The following COPG2 variants were observed in gnomAD, a reference collection of about 807,000 sequenced individuals.
COPG2 encodes the protein coat protein complex I subunit gamma 2, also known as coatomer subunit gamma-2.
A neutral mutation model predicts 46.3 loss-of-function variants in COPG2; 37 were observed. The ratio of observed to expected loss-of-function variants is 0.80; its 90% CI spans 0.61 to 1.05. The LOEUF is 1.05. COPG2 is among the 50% of genes least tolerant of loss of function. The probability of loss-of-function intolerance (pLI) is 0.00; values close to 1 mark genes in which losing one functional copy is unlikely to be tolerated. For missense variants in COPG2, 427 were observed against 387.8 expected, an observed-to-expected ratio of 1.10 and a Z score of -0.85; for synonymous variants, 159 against 129.7, an observed-to-expected ratio of 1.23 and a Z score of -1.53.
intron 5 of COPG2, among the ~76,000 whole-genome samples, chr7:130,649,945 T>C (rs1795703941): frequency 6.6e-6 from 1 of 152,182 alleles, no homozygotes; most frequent in South Asian, 2.1e-4. Context: ...ATCTTACAGT[T>C]ATAAAAGTTA....
chr7:130,513,313 ATATATATAT>A (rs1799634534), intron 20 of COPG2, among the ~76,000 whole-genome samples: 6 of 36,478 alleles, frequency 1.6e-4, no homozygotes, highest in Non-Finnish European at 3.2e-4. Context: ...AAAAAAATAT[ATATATATAT>A]ATATATATAT....
At chr7:130,607,232 G>A (rs185588707) in intron 9 of COPG2, among the ~76,000 whole-genome samples, 4 of 147,010 alleles carry the variant, frequency 2.7e-5, no homozygotes, top group Non-Finnish European at 6.0e-5. Context: ...CAGAGTGAGA[G>A]AGACTGTCAT....
At chr7:130,600,706 T>C (rs549297857) in intron 9 of COPG2, among the ~76,000 whole-genome samples, 1 of 152,204 alleles carries the variant, frequency 6.6e-6, no homozygotes, top group Non-Finnish European at 1.5e-5. Flanking sequence ...GTCATTTTGT[T>C]TGTGTCTTTT....
intron 5 of COPG2, chr7:130,645,295 A>G (rs1554457984): frequency 1.6e-6 from 1 of 613,562 alleles, no homozygotes; most frequent in African/African-American, 1.8e-5. Flanking sequence ...ATACTCCTTC[A>G]CGACGCAATG....
In COPG2 at chr7:130,527,153, G is replaced by T. The variant is rs1031318411; in HGVS notation, c.2150-18494C>A. Among the ~76,000 whole-genome samples the T allele has an allele frequency of 1.4e-3, 206 of 151,798 alleles. 1 individual carries two copies. The highest frequency in any genetic ancestry group is 1.8e-3 in the Non-Finnish European group (122 of 67,956). ...AGGAAGCCCCTGGAAGGACCTGATG[G>T]GTGTCCATAACACCTGACAGTCATA... On this transcript the variant is annotated intron_variant, in intron 20 of 23. Transcript: ENST00000425248.
At position 130,506,497 on chromosome 7, in the gene COPG2, AAAAC is replaced by A. The variant is rs1281527605; in HGVS notation, c.*175_*178del. The A allele has an allele frequency of 2.5e-5, 11 of 444,576 alleles. No individual in the cohort carries two copies. The highest frequency in any genetic ancestry group is 4.0e-5 in the Non-Finnish European group (10 of 250,150). 27.5% of individuals were successfully genotyped at this position (444,576 alleles called of 1,614,324 possible). A position where few individuals can be genotyped will look rare whatever the true frequency, so the allele number is the denominator to read the frequency against. ...AGTAGAATAAAAAGAAAAAAAAAAA[AAAAC>A]AACCCATGCGCAAAGATAGACATTT... On this transcript the variant is annotated 3_prime_UTR_variant, in exon 24 of 24. Transcript: ENST00000425248.
intron 8 of COPG2, among the ~76,000 whole-genome samples, chr7:130,611,909 G>A (rs1478978749): frequency 1.3e-5 from 2 of 152,112 alleles, no homozygotes; most frequent in African/African-American, 4.8e-5. Flanking sequence ...ATCTACTACT[G>A]AATATAACAA....
chr7:130,647,067 A>G (rs1160405655), intron 5 of COPG2, among the ~76,000 whole-genome samples: 1 of 149,870 alleles, frequency 6.7e-6, no homozygotes, highest in African/African-American at 2.5e-5. Flanking sequence ...TTAAGATGGA[A>G]TCTCGCTCTG....
intron 4 of COPG2, among the ~76,000 whole-genome samples, chr7:130,662,209 G>T (rs1011368957): frequency 6.6e-6 from 1 of 152,106 alleles, no homozygotes; most frequent in Non-Finnish European, 1.5e-5. Context: ...CCTTACAGGG[G>T]ACTGCTGATC....
chr7:130,650,547 ATT>A (rs782498596), intron 5 of COPG2, among the ~76,000 whole-genome samples: 9 of 152,066 alleles, frequency 5.9e-5, no homozygotes, highest in Non-Finnish European at 8.8e-5. Context: ...TTTTTTGTTC[ATT>A]TGTTTGTTTT....
chr7:130,604,840 T>G (rs1554450993), intron 9 of COPG2: 4 of 442,460 alleles, frequency 9.0e-6, no homozygotes, highest in African/African-American at 8.2e-5. Context: ...TCATGTTCCC[T>G]TCCAGTCCTG....
rs1414844285 is a variant in COPG2 at position 130,652,900 on chromosome 7, TG to T, written c.291del (p.Ile98SerfsTer5). ...GTGACAATTATCACATCCTCAGAGA[TG>T]GTAGCCATTTCTTTGATGGTAAGGT... ...MCYLTIKEMA[T>X]ISEDVIIVTS... On this transcript the variant is annotated frameshift_variant, in exon 5 of 24. Coordinates refer to ENST00000425248, the MANE Select transcript of COPG2 (RefSeq NM_012133.6). LOFTEE classifies it high-confidence loss of function. 5.6e-6 allele frequency: 9 copies of T among 1,607,476 alleles called. No homozygotes were observed. The highest frequency in any genetic ancestry group is 1.3e-5 in the African/African-American group (1 of 74,838).
chr7:130,589,247 G>A (rs782092796), intron 9 of COPG2, among the ~76,000 whole-genome samples: 1 of 152,032 alleles, frequency 6.6e-6, no homozygotes, highest in Non-Finnish European at 1.5e-5. Flanking sequence ...ATGCAAGGGA[G>A]AAACTGCTGG....
chr7:130,643,010 CAAA>C (rs1371113752), intron 5 of COPG2, among the ~76,000 whole-genome samples: 1 of 150,792 alleles, frequency 6.6e-6, no homozygotes, highest in Non-Finnish European at 1.5e-5. Flanking sequence ...CGTCTCAAAA[CAAA>C]AACAAAAACT....
At chr7:130,613,677 T>C (rs1191022264) in intron 6 of COPG2, 41 bp from the exon 7 acceptor site, 3 of 1,355,094 alleles carry the variant, frequency 2.2e-6, no homozygotes, top group Non-Finnish European at 3.1e-6. Context: ...AGGAAAAACA[T>C]GCTTATGCAA....
intron 9 of COPG2, among the ~76,000 whole-genome samples, chr7:130,606,825 C>T (rs1554451323): frequency 6.6e-6 from 1 of 152,162 alleles, no homozygotes; most frequent in Non-Finnish European, 1.5e-5. Context: ...ATATTTATAT[C>T]CTCCAGGTTC....
intron 12 of COPG2, among the ~76,000 whole-genome samples, chr7:130,559,234 T>G (rs2116399335): frequency 6.6e-6 from 1 of 152,084 alleles, no homozygotes; most frequent in East Asian, 1.9e-4. Context: ...ATGCGGAAAA[T>G]GCAGCCTACC....
intron 20 of COPG2, among the ~76,000 whole-genome samples, chr7:130,538,714 T>G: frequency 1.3e-5 from 2 of 151,478 alleles, no homozygotes; most frequent in Non-Finnish European, 1.5e-5. Flanking sequence ...GTGTTTTGAG[T>G]CTAGTATGTG....
chr7:130,623,289 GCTGT>G (rs1380021093), intron 5 of COPG2, among the ~76,000 whole-genome samples: 1 of 152,180 alleles, frequency 6.6e-6, no homozygotes, highest in Admixed American at 6.5e-5. Context: ...CAGATGGGAT[GCTGT>G]CTTAGTCTAT....
Sources: allele counts gnomAD v4.1 joint callset (sites outside exome capture counted in the v4.1 genomes callset), GRCh38; gene constraint gnomAD v4.1.1; transcripts MANE v1.5; gene names NCBI Gene and HGNC (gene_info 2026-07-23, HGNC 2026-07-21).